The following ELP4 variants were observed in gnomAD, a reference collection of about 807,000 sequenced individuals.
ELP4 encodes elongator complex protein 4.
ELP4 carries 51 observed loss-of-function variants against 48.9 expected under a neutral mutation model. That is an observed-to-expected ratio of 1.04 (90% CI 0.83 to 1.32). ELP4 has a LOEUF of 1.32. ELP4 is among the 40% of genes most tolerant of loss of function. The pLI is 0.00. For missense variants in ELP4, 519 were observed against 514.6 expected, an observed-to-expected ratio of 1.01 and a Z score of -0.08; for synonymous variants, 210 against 189.2, an observed-to-expected ratio of 1.11 and a Z score of -0.90.
At chr11:31,562,106 G>A (rs1003998515) in intron 3 of ELP4, among the ~76,000 whole-genome samples, 1 of 152,140 alleles carries the variant, frequency 6.6e-6, no homozygotes, top group African/African-American at 2.4e-5. Flanking sequence ...AAATCTGCCT[G>A]TACCTTATTT....
Position 31,789,498 on chromosome 11 carries a change from C to T in ELP4, c.*5974C>T. On this transcript the variant is annotated 3_prime_UTR_variant, in exon 10 of 10. Coordinates refer to ENST00000640961, the MANE Select transcript of ELP4 (RefSeq NM_019040.5). Reference sequence around the variant, plus strand: ...GGAACATCAGTCCATAAACTATGAACAGATGGGTAGAAGTATTCGATATAT... The same window carrying T: ...GGAACATCAGTCCATAAACTATGAATAGATGGGTAGAAGTATTCGATATAT... 3 of 565,578 alleles carry T rather than the reference C, an allele frequency of 5.3e-6. No homozygotes were observed. The highest frequency in any genetic ancestry group is 4.6e-4 in the Middle Eastern group (1 of 2,176). 35.0% of individuals were successfully genotyped at this position (565,578 alleles called of 1,614,324 possible).
intron 3 of ELP4, among the ~76,000 whole-genome samples, chr11:31,543,522 TG>T (rs1337389322): frequency 1.3e-5 from 2 of 152,136 alleles, no homozygotes; most frequent in Non-Finnish European, 2.9e-5. Flanking sequence ...GGTTTCACCG[TG>T]TTAGCCAGGA....
chr11:31,559,496 C>T (rs1221948552), intron 3 of ELP4, among the ~76,000 whole-genome samples: 2 of 152,132 alleles, frequency 1.3e-5, no homozygotes, highest in Non-Finnish European at 2.9e-5. Context: ...AAGCTTCTTA[C>T]CTTTATTCTT....
intron 8 of ELP4, chr11:31,648,600 T>A (rs1565095462): frequency 6.6e-6 from 1 of 151,546 alleles, no homozygotes; most frequent in Non-Finnish European, 1.5e-5. Flanking sequence ...TTAGTATAAA[T>A]AAATTATTGC....
intron 3 of ELP4, among the ~76,000 whole-genome samples, chr11:31,553,473 T>G (rs1484300479): frequency 2.0e-5 from 3 of 151,968 alleles, no homozygotes; most frequent in Non-Finnish European, 2.9e-5. Context: ...TTTTTGAACT[T>G]GGTAATTGGC....
intron 9 of ELP4, among the ~76,000 whole-genome samples, chr11:31,743,038 A>G (rs1194650290): frequency 6.6e-6 from 1 of 152,216 alleles, no homozygotes; most frequent in Non-Finnish European, 1.5e-5. Flanking sequence ...TAGGCTCAAA[A>G]TAAAGGGGTG....
intron 5 of ELP4, among the ~76,000 whole-genome samples, chr11:31,604,470 A>T (rs1957835927): frequency 6.6e-6 from 1 of 151,876 alleles, no homozygotes; most frequent in African/African-American, 2.4e-5. Context: ...AAAACAATGC[A>T]ACATGTTTAT....
At chr11:31,527,967 C>T (rs561521600) in intron 2 of ELP4, among the ~76,000 whole-genome samples, 35 of 152,060 alleles carry the variant, frequency 2.3e-4, no homozygotes, top group African/African-American at 8.4e-4. Context: ...TCCATTCTCT[C>T]CTGTCTCTAG....
At chr11:31,531,463 A>G (rs1285160728) in intron 2 of ELP4, among the ~76,000 whole-genome samples, 1 of 152,202 alleles carries the variant, frequency 6.6e-6, no homozygotes, top group Non-Finnish European at 1.5e-5. Context: ...GCACACTGAT[A>G]TCTTACCCAG....
intron 2 of ELP4, among the ~76,000 whole-genome samples, chr11:31,527,108 T>C (rs1353452996): frequency 2.6e-5 from 4 of 152,118 alleles, no homozygotes; most frequent in Admixed American, 6.6e-5. Context: ...TCTGTTGCAC[T>C]TGATGTTGTT....
In ELP4 at chr11:31,705,024, A is replaced by T. The variant is rs1021233201; in HGVS notation, c.1143+54803A>T. Among the ~76,000 whole-genome samples the T allele has an allele frequency of 2.1e-3, 324 of 151,062 alleles. 6 individuals carry two copies. Among genetic ancestry groups the T allele is most frequent in the Middle Eastern group, 3.5e-3 (1 of 288 alleles). ...GACTCCATCTCAAAAAAAAAAAAAA[A>T]TTATATAGTATATGACTTAAGGATT... is the stretch of plus-strand genomic sequence containing the variant. On this transcript the variant is annotated intron_variant, in intron 9 of 9. Coordinates refer to ENST00000640961, the MANE Select transcript of ELP4 (RefSeq NM_019040.5).
chr11:31,608,590 T>C (rs1271248802), intron 5 of ELP4, among the ~76,000 whole-genome samples: 2 of 81,208 alleles, frequency 2.5e-5, no homozygotes, highest in African/African-American at 9.6e-5. Context: ...TAGCGGGTGC[T>C]GGGTGGGGGG....
intron 9 of ELP4, among the ~76,000 whole-genome samples, chr11:31,771,720 C>T (rs962515086): frequency 2.6e-5 from 4 of 152,194 alleles, no homozygotes; most frequent in Non-Finnish European, 4.4e-5. Context: ...TGGCTCACGC[C>T]TGTAATCCCA....
intron 3 of ELP4, among the ~76,000 whole-genome samples, chr11:31,541,947 T>G (rs192109371): frequency 1.9e-3 from 296 of 152,242 alleles, no homozygotes; most frequent in African/African-American, 6.6e-3. Context: ...ATATAAAATA[T>G]AAAACTACAG....
chr11:31,536,378 G>A (rs981436153), intron 2 of ELP4, among the ~76,000 whole-genome samples: 2 of 152,002 alleles, frequency 1.3e-5, no homozygotes, highest in East Asian at 3.9e-4. Context: ...TTGAGACGGC[G>A]TCTTGCTCTG....
chr11:31,617,729 TAA>T lies in ELP4; in HGVS notation c.654-9368_654-9367del, dbSNP rs67907172. Among the ~76,000 whole-genome samples the T allele has an allele frequency of 7.1e-3, 990 of 140,234 alleles. 3 individuals carry two copies. The highest frequency in any genetic ancestry group is 0.016 in the African/African-American group (616 of 38,606). 92.0% of individuals were successfully genotyped at this position (140,234 alleles called of 152,430 possible). Reference sequence around the variant, plus strand: ...AAGATATTCCAAGCCAAAAAAAAGTTAAAAAAAAAAAAAACACCCCAAAAGCA... The same window carrying T: ...AAGATATTCCAAGCCAAAAAAAAGTTAAAAAAAAAAAACACCCCAAAAGCA... On this transcript the variant is annotated intron_variant, in intron 5 of 9. Transcript: ENST00000640961.
chr11:31,646,584 T>A (rs1945202660), intron 7 of ELP4: 1 of 151,788 alleles, frequency 6.6e-6, no homozygotes, highest in African/African-American at 2.4e-5. Context: ...AATGAAAATC[T>A]TTTATTATAT....
intron 5 of ELP4, among the ~76,000 whole-genome samples, chr11:31,611,788 T>G (rs112151724): frequency 1.4e-4 from 21 of 152,222 alleles, no homozygotes; most frequent in African/African-American, 4.8e-4. Context: ...ACATAATTTT[T>G]TTTAAACAAG....
At chr11:31,545,529 G>T (rs994067661) in intron 3 of ELP4, among the ~76,000 whole-genome samples, 28 of 152,124 alleles carry the variant, frequency 1.8e-4, no homozygotes, top group African/African-American at 6.8e-4. Context: ...GAAAGTGATG[G>T]GGAGAATGGA....
Sources: gnomAD v4.1 joint callset for allele counts (sites outside exome capture counted in the v4.1 genomes callset) on GRCh38, gnomAD v4.1.1 for gene constraint, MANE v1.5 for transcripts, NCBI Gene and HGNC (gene_info 2026-07-23, HGNC 2026-07-21) for gene names.